Variants in CCDC88C observed in about 807,000 individuals in gnomAD.
The protein encoded by CCDC88C is coiled-coil and HOOK domain protein 88C.
Under a neutral mutation model 198.8 loss-of-function variants are expected in CCDC88C, and 131 were observed. The observed-to-expected ratio is 0.66, with a 90% CI of 0.57 to 0.76. The LOEUF is 0.76. CCDC88C is among the 30% of genes least tolerant of loss of function. CCDC88C has a pLI of 0.00. For missense variants in CCDC88C, 2,553 were observed against 2,631.6 expected, an observed-to-expected ratio of 0.97 and a Z score of 0.65; for synonymous variants, 1,166 against 1,114.7, an observed-to-expected ratio of 1.05 and a Z score of -0.92.
chr14:91,314,668 T>G (rs1892016236), intron 14 of CCDC88C, among the ~76,000 whole-genome samples: 1 of 152,220 alleles, frequency 6.6e-6, no homozygotes, highest in African/African-American at 2.4e-5. Flanking sequence ...ATTCTCTCCC[T>G]CAGCACCCTA....
chr14:91,304,114 G>T, intron 19 of CCDC88C, 136 bp from the exon 20 acceptor site: 1 of 982,520 alleles, frequency 1.0e-6, no homozygotes, highest in Non-Finnish European at 1.5e-6. Flanking sequence ...TACCCAGGAT[G>T]GCTGTTCCAG....
Position 91,347,359 on chromosome 14 carries a change from G to A in CCDC88C, c.341-3702C>T, listed in dbSNP as rs571294315. Among the ~76,000 whole-genome samples the A allele has an allele frequency of 2.9e-4, 44 of 152,282 alleles. No homozygotes were observed. In the South Asian group the frequency reaches 8.9e-3, roughly 31 times the overall value. On this transcript the variant is annotated intron_variant, in intron 4 of 29. Transcript: ENST00000389857. ...AGCACATTACAACAGCAAATTAAAA[G>A]GGAGGAAAGTGCTAGAGAGGCTCAC...
intron 17 of CCDC88C, among the ~76,000 whole-genome samples, chr14:91,307,876 AGTGT>A (rs773278355): frequency 9.5e-4 from 144 of 152,272 alleles, no homozygotes; most frequent in Non-Finnish European, 1.9e-3. Flanking sequence ...ATATGTGGAG[AGTGT>A]GTATGTGTGG....
At chr14:91,280,381 T>A (rs1005837694) in intron 27 of CCDC88C, among the ~76,000 whole-genome samples, 1 of 152,194 alleles carries the variant, frequency 6.6e-6, no homozygotes, top group African/African-American at 2.4e-5. Flanking sequence ...CTAGCAAATA[T>A]GTTTGAAACT....
At chr14:91,311,612 T>A (rs976218817) in intron 15 of CCDC88C, among the ~76,000 whole-genome samples, 1 of 152,212 alleles carries the variant, frequency 6.6e-6, no homozygotes, top group Non-Finnish European at 1.5e-5. Flanking sequence ...TTCTCCCATG[T>A]GGGCAGGGTC....
At chr14:91,408,562 T>C (rs2140013295) in intron 3 of CCDC88C, 97 bp downstream of exon 3, 2 of 776,132 alleles carry the variant, frequency 2.6e-6, no homozygotes, top group Middle Eastern at 2.2e-4. Flanking sequence ...GGCCTAAACA[T>C]AAGCACCGTT....
chr14:91,372,732 A>G lies in CCDC88C; in HGVS notation c.271-13021T>C, dbSNP rs1285819. Among the ~76,000 whole-genome samples the G allele has an allele frequency of 1.5e-3, 235 of 152,242 alleles. 5 individuals are homozygous for G. In the East Asian group the frequency reaches 0.02, roughly 13 times the overall value. ...GTCTGCACGTTATCTAAACGGTGAC[A>G]GCAGCAGCTTTGGAGTCCCCTCTGC... is the stretch of plus-strand genomic sequence containing the variant. On this transcript the variant is annotated intron_variant, in intron 3 of 29. Transcript: ENST00000389857.
chr14:91,333,739 G>A (rs1241389467), intron 10 of CCDC88C, among the ~76,000 whole-genome samples: 1 of 152,212 alleles, frequency 6.6e-6, no homozygotes. Flanking sequence ...TCTAGGGCCT[G>A]CCCTTACTCC....
rs746500143 is a variant in CCDC88C, at chr14:91,294,311, G to C, written c.3974C>G (p.Ser1325Cys). The part of the protein sequence containing the change: ...TKLDNHCELL[S>C]RLKGNLEEEN... ...TTCCTCCAAGTTCCCCTTGAGACGG[G>C]AGAGCAGCTAGAACACAGACCAACA... is the stretch of plus-strand genomic sequence containing the variant. The change falls in exon 23 of 30, where the codon TCC becomes TGC. Residue 1325 changes from serine (S) to cysteine (C), a missense_variant. Physicochemically the swap from Ser to Cys is moderately radical, Grantham distance 112. This residue lies in a region of CCDC88C where 1,293 missense variants were observed against 1,219.6 expected (regional missense o/e 1.06). Transcript: ENST00000389857. The C allele has an allele frequency of 5.6e-6, 9 of 1,613,812 alleles. No individual in the cohort carries two copies. In the Admixed American group the frequency reaches 1.5e-4, roughly 27 times the overall value.
intron 15 of CCDC88C, among the ~76,000 whole-genome samples, chr14:91,312,462 C>T (rs370955468): frequency 2.8e-4 from 43 of 152,140 alleles, no homozygotes; most frequent in African/African-American, 9.9e-4. Context: ...GCGGGTGGGT[C>T]ACCTGAGGTC....
rs149313333 is a variant in CCDC88C at position 91,308,558 on chromosome 14, C to T, written c.2865-66G>A. On this transcript the variant is annotated intron_variant, in intron 16 of 29. Transcript: ENST00000389857. ...CCTCTCCGCAAGTTCCCAGTGTCCT[C>T]GCTGCCAACACATCACTCCTTCCAT... 2,467 of 1,495,856 alleles carry T rather than the reference C, an allele frequency of 1.6e-3. 28 individuals carry two copies. The African/African-American group carries it at 0.026, about 16-fold the overall frequency. 92.7% of individuals were successfully genotyped at this position (1,495,856 alleles called of 1,614,324 possible). A position where few individuals can be genotyped will look rare whatever the true frequency, so the allele number is the denominator to read the frequency against.
intron 3 of CCDC88C, among the ~76,000 whole-genome samples, chr14:91,407,920 C>A (rs1886590913): frequency 6.6e-6 from 1 of 152,126 alleles, no homozygotes; most frequent in Non-Finnish European, 1.5e-5. Context: ...GTAGCTGGGA[C>A]TACAGGCGTG....
chr14:91,358,516 T>C (rs187306721), intron 4 of CCDC88C, among the ~76,000 whole-genome samples: 142 of 152,318 alleles, frequency 9.3e-4, no homozygotes, highest in African/African-American at 3.3e-3. Context: ...CTGCGACTTC[T>C]GTCCACCAGC....
At chr14:91,366,478 G>A (rs1045210800) in intron 3 of CCDC88C, among the ~76,000 whole-genome samples, 15 of 150,966 alleles carry the variant, frequency 9.9e-5, no homozygotes, top group African/African-American at 3.2e-4. Flanking sequence ...AGAGCAAGAC[G>A]GTCTAAAAAA....
At chr14:91,373,928 A>G (rs1567106620) in intron 3 of CCDC88C, among the ~76,000 whole-genome samples, 1 of 152,172 alleles carries the variant, frequency 6.6e-6, no homozygotes, top group Non-Finnish European at 1.5e-5. Context: ...TCCGCCGGCA[A>G]TGATCACTTC....
intron 3 of CCDC88C, among the ~76,000 whole-genome samples, chr14:91,390,377 G>A (rs1011949704): frequency 6.6e-6 from 1 of 152,202 alleles, no homozygotes; most frequent in African/African-American, 2.4e-5. Flanking sequence ...GACTGGAGAG[G>A]GTGGGGACTC....
intron 23 of CCDC88C, among the ~76,000 whole-genome samples, chr14:91,292,980 C>T (rs933153054): frequency 2.0e-5 from 3 of 151,760 alleles, no homozygotes; most frequent in African/African-American, 7.3e-5. Flanking sequence ...TCTCTGGGTG[C>T]CTCCTGCACA....
intron 29 of CCDC88C, among the ~76,000 whole-genome samples, chr14:91,276,322 C>G (rs1369482259): frequency 6.6e-6 from 1 of 152,258 alleles, no homozygotes; most frequent in East Asian, 1.9e-4. Flanking sequence ...CCGCTAACTT[C>G]TCGAGGGCAG....
intron 13 of CCDC88C, among the ~76,000 whole-genome samples, chr14:91,318,040 T>C (rs868574769): frequency 1.0e-3 from 153 of 152,186 alleles, no homozygotes; most frequent in African/African-American, 3.4e-3. Flanking sequence ...CTCATCTTCC[T>C]AAAGGGCAAT....
Sources: allele counts gnomAD v4.1 joint callset (sites outside exome capture counted in the v4.1 genomes callset), GRCh38; gene constraint gnomAD v4.1.1; regional missense constraint gnomAD v4.1.1; transcripts MANE v1.5; gene names NCBI Gene and HGNC (gene_info 2026-07-23, HGNC 2026-07-21).